Variants in COL27A1 observed in about 807,000 individuals in gnomAD.
COL27A1 encodes the protein collagen type XXVII alpha 1 chain.
A neutral mutation model predicts 251.3 loss-of-function variants in COL27A1; 106 were observed. That is an observed-to-expected ratio of 0.42 (90% CI 0.36 to 0.50). The LOEUF is 0.50. Among genes scored for constraint, COL27A1 ranks in the 20% least tolerant of loss-of-function variants. The pLI, the probability that COL27A1 is intolerant of heterozygous loss-of-function variation, is 0.00. For missense variants in COL27A1, 2,325 were observed against 2,522.8 expected, an observed-to-expected ratio of 0.92 and a Z score of 1.68; for synonymous variants, 1,000 against 986.3, an observed-to-expected ratio of 1.01 and a Z score of -0.26.
intron 24 of COL27A1, 136 bp from the exon 25 acceptor site, chr9:114,250,479 C>T (rs1436112288): frequency 3.5e-5 from 26 of 747,354 alleles, no homozygotes; most frequent in East Asian, 3.1e-4. Flanking sequence ...GCGCTCTCCC[C>T]GGCACAACCC....
At chr9:114,250,305 G>A (rs1457615083) in intron 24 of COL27A1, among the ~76,000 whole-genome samples, 2 of 152,276 alleles carry the variant, frequency 1.3e-5, no homozygotes, top group South Asian at 2.1e-4. Context: ...GCCACCCCCC[G>A]CCCAACCCCA....
intron 34 of COL27A1, among the ~76,000 whole-genome samples, chr9:114,268,635 T>C (rs565068304): frequency 1.3e-5 from 2 of 152,334 alleles, no homozygotes; most frequent in African/African-American, 4.8e-5. Context: ...TTGGGCTCCT[T>C]ACCGAACTCC....
Position 114,252,916 on chromosome 9 carries a change from G to C in COL27A1, c.3125G>C (p.Gly1042Ala), listed in dbSNP as rs746942568. The change falls in exon 27 of 61, where the codon GGA (glycine) becomes GCA (alanine). Residue 1042 changes from glycine to alanine, a missense_variant. By Grantham distance (60) the Gly-to-Ala change is moderately conservative. Around this residue, in one of 4 missense-constraint regions of COL27A1, gnomAD observed 662 missense variants for 795.3 expected, o/e 0.83. Coordinates refer to ENST00000356083, the MANE Select transcript of COL27A1 (RefSeq NM_032888.4). ...PGMPGGMGTP[G>A]EPGPQGPPGS... The stretch of plus-strand genomic sequence containing the variant: ...ATGCCAGGTGGTATGGGGACCCCTG[G>C]AGAGCCTGGACCCCAGGTAAGCAAA... 3.1e-6 allele frequency: 5 copies of C among 1,613,750 alleles called. No homozygotes were observed. The highest frequency in any genetic ancestry group is 4.2e-6 in the Non-Finnish European group (5 of 1,179,782).
Position 114,289,244 on chromosome 9 carries a change from G to A in COL27A1, c.4155G>A (p.Gly1385=). 1 of 1,592,496 alleles carries A rather than the reference G, an allele frequency of 6.3e-7. No homozygotes were observed. The highest frequency in any genetic ancestry group is 8.5e-7 in the Non-Finnish European group (1 of 1,170,492). Residue 1385 remains glycine (G), a splice_region_variant and synonymous_variant, in exon 45 of 61, where the codon GGG becomes GGA. Coordinates refer to ENST00000356083, the MANE Select transcript of COL27A1 (RefSeq NM_032888.4). The part of the protein sequence containing the change: ...RGKPGQQGQP[G]HPGPRGWPGP... Reference sequence around the variant, plus strand: ...CGTCATCTCACCTTGGTTTGCAGGGGCATCCGGGACCCCGGGGGTGGCCGG... The same window carrying A: ...CGTCATCTCACCTTGGTTTGCAGGGACATCCGGGACCCCGGGGGTGGCCGG...
chr9:114,251,403 C>A (rs1448060286), intron 25 of COL27A1, among the ~76,000 whole-genome samples: 1 of 152,134 alleles, frequency 6.6e-6, no homozygotes, highest in Non-Finnish European at 1.5e-5. Context: ...CCTCGGGCCT[C>A]TGCCTTCCTC....
At position 114,288,968 on chromosome 9, in the gene COL27A1, G is replaced by A. The variant is rs2131618521; in HGVS notation, c.4152+1G>A. The A allele has an allele frequency of 3.1e-6, 5 of 1,613,704 alleles. No homozygotes were observed. Among genetic ancestry groups the A allele is most frequent in the East Asian group, 2.2e-5 (1 of 44,878 alleles). ...AAAGCCAGGCCAGCAGGGCCAACCC[G>A]TGAGTGGTGCTTCGTGTCCCATCCC... On this transcript the variant is annotated splice_donor_variant, in intron 44 of 60. Coordinates refer to ENST00000356083, the MANE Select transcript of COL27A1 (RefSeq NM_032888.4). LOFTEE classifies it high-confidence loss of function.
At chr9:114,245,972 G>C (rs1833102863) in intron 24 of COL27A1, 62 bp downstream of exon 24, 6 of 1,482,480 alleles carry the variant, frequency 4.0e-6, no homozygotes, top group Non-Finnish European at 5.6e-6. Context: ...TCTGTGCCAA[G>C]CCCTTTGCCC....
Position 114,194,442 on chromosome 9 carries a change from C to A in COL27A1, c.2055C>A (p.Ala685=), listed in dbSNP as rs145414281. ...KGDPGLSPGK[A]HDGAKGDMGL... ...ACCCAGGGCTCTCACCAGGAAAGGC[C>A]CACGATGGGGCAAAGGTAGGTTTCC... The change falls in exon 6 of 61, where the codon GCC becomes GCA. Residue 685 remains alanine (A), a synonymous_variant. Transcript: ENST00000356083. 1.2e-6 allele frequency: 2 copies of A among 1,612,666 alleles called. No homozygotes were observed. The highest frequency in any genetic ancestry group is 8.5e-7 in the Non-Finnish European group (1 of 1,179,438).
chr9:114,156,405 G>C (rs997531934), intron 1 of COL27A1, among the ~76,000 whole-genome samples: 3 of 152,002 alleles, frequency 2.0e-5, no homozygotes, highest in Admixed American at 6.5e-5. Context: ...AGTGTCTGCA[G>C]GTCCCAAGCC....
chr9:114,269,306 C>A lies in COL27A1; in HGVS notation c.3555+12C>A. The A allele has an allele frequency of 6.2e-7, 1 of 1,603,198 alleles. No homozygotes were observed. The highest frequency in any genetic ancestry group is 8.5e-7 in the Non-Finnish European group (1 of 1,173,260). On this transcript the variant is annotated intron_variant, in intron 35 of 60. Transcript: ENST00000356083. ...TCATTGGGCAACGGGTAAGTTGAAG[C>A]AATTTATTCTTCCTGAAAGCCCCCA...
intron 56 of COL27A1, among the ~76,000 whole-genome samples, chr9:114,302,758 AG>A (rs1265376377): frequency 1.4e-4 from 21 of 148,640 alleles, no homozygotes; most frequent in African/African-American, 4.9e-4. Flanking sequence ...GAGTCGGGCC[AG>A]GGGGGCAGAT....
chr9:114,249,723 G>T (rs1588765712), intron 24 of COL27A1, among the ~76,000 whole-genome samples: 2 of 152,138 alleles, frequency 1.3e-5, no homozygotes, highest in African/African-American at 4.8e-5. Context: ...CTCTGGCCAG[G>T]GTTTGGGGGA....
intron 32 of COL27A1, among the ~76,000 whole-genome samples, chr9:114,265,832 G>A (rs1014172899): frequency 6.6e-6 from 1 of 152,254 alleles, no homozygotes; most frequent in African/African-American, 2.4e-5. Flanking sequence ...GAACTGCAGA[G>A]TCCAGCATGG....
At chr9:114,194,883 G>A (rs1445046875) in intron 6 of COL27A1, among the ~76,000 whole-genome samples, 9 of 152,218 alleles carry the variant, frequency 5.9e-5, no homozygotes, top group African/African-American at 2.2e-4. Context: ...AGACGGGTCT[G>A]TGGATTTCTA....
intron 3 of COL27A1, among the ~76,000 whole-genome samples, chr9:114,170,437 A>T (rs1232661604): frequency 1.3e-5 from 2 of 152,028 alleles, no homozygotes; most frequent in African/African-American, 4.8e-5. Flanking sequence ...CGCCTTGGAG[A>T]TGACCACCGT....
intron 34 of COL27A1, chr9:114,268,969 C>T: frequency 2.4e-6 from 1 of 417,544 alleles, no homozygotes. Flanking sequence ...TAGAACAGTA[C>T]AGAACAGTAC....
intron 3 of COL27A1, among the ~76,000 whole-genome samples, chr9:114,177,341 T>A (rs183906810): frequency 6.6e-6 from 1 of 152,230 alleles, no homozygotes; most frequent in African/African-American, 2.4e-5. Context: ...CAGGGTTAGG[T>A]TTTTCACTTG....
At chr9:114,206,935 A>ACATGT (rs1379899292) in intron 10 of COL27A1, among the ~76,000 whole-genome samples, 1 of 152,232 alleles carries the variant, frequency 6.6e-6, no homozygotes, top group Non-Finnish European at 1.5e-5. Context: ...GAAGACAGAG[A>ACATGT]GGGTTCTGGG....
At chr9:114,208,977 G>A (rs949555647) in intron 10 of COL27A1, among the ~76,000 whole-genome samples, 1 of 152,110 alleles carries the variant, frequency 6.6e-6, no homozygotes, top group African/African-American at 2.4e-5. Context: ...ATGGTGACGA[G>A]CCCCAGCTGT....
Sources: gnomAD v4.1 joint callset for allele counts (sites outside exome capture counted in the v4.1 genomes callset) on GRCh38, gnomAD v4.1.1 for gene constraint, gnomAD v4.1.1 regional missense constraint, MANE v1.5 for transcripts, NCBI Gene and HGNC (gene_info 2026-07-23, HGNC 2026-07-21) for gene names.